VDAC1: variants seen among roughly 807,000 people sequenced by gnomAD.
VDAC1 encodes non-selective voltage-gated ion channel VDAC1.
VDAC1 carries 10 observed loss-of-function variants against 34.7 expected under a neutral mutation model. The observed-to-expected ratio is 0.29, with a 90% CI of 0.18 to 0.49. The LOEUF is 0.49. VDAC1 is among the 20% of genes least tolerant of loss of function. VDAC1 has a pLI of 0.99. For synonymous variants in VDAC1, 130 were observed against 136.0 expected (o/e 0.96, Z 0.30); for missense variants, 230 against 347.9 (o/e 0.66, Z 2.69).
the VDAC1 span, among the ~76,000 whole-genome samples, chr5:134,066,219 G>A: frequency 6.6e-6 from 1 of 152,068 alleles, no homozygotes; most frequent in Non-Finnish European, 1.5e-5. Flanking sequence ...GACCAGGCTG[G>A]TCTCAAACTC....
At chr5:134,015,675 C>A in the VDAC1 span, among the ~76,000 whole-genome samples, 1 of 151,654 alleles carries the variant, frequency 6.6e-6, no homozygotes, top group Non-Finnish European at 1.5e-5. Context: ...GACGGAGTCT[C>A]GCTCTGTCAC....
chr5:134,067,828 T>C, the VDAC1 span, among the ~76,000 whole-genome samples: 1 of 152,188 alleles, frequency 6.6e-6, no homozygotes, highest in African/African-American at 2.4e-5. Flanking sequence ...CTTAGAATGC[T>C]TCACTTCAGT....
At chr5:134,085,107 T>C in the VDAC1 span, among the ~76,000 whole-genome samples, 112,651 of 150,470 alleles carry the variant, frequency 0.75, 43,465 homozygotes, top group Non-Finnish European at 0.86. Context: ...CTCACTCTGC[T>C]GCCCAGGCTG....
At chr5:134,043,148 G>A in the VDAC1 span, among the ~76,000 whole-genome samples, 1 of 152,244 alleles carries the variant, frequency 6.6e-6, no homozygotes, top group Non-Finnish European at 1.5e-5. Flanking sequence ...CAAGGCTTCA[G>A]GGTGAATGGT....
the VDAC1 span, among the ~76,000 whole-genome samples, chr5:134,034,047 G>A: frequency 6.6e-6 from 1 of 151,980 alleles, no homozygotes; most frequent in Admixed American, 6.6e-5. Flanking sequence ...AACCAGCCAC[G>A]TGAAAAAGGT....
chr5:134,095,712 C>T, the VDAC1 span, among the ~76,000 whole-genome samples: 1 of 152,112 alleles, frequency 6.6e-6, no homozygotes, highest in Admixed American at 6.5e-5. Context: ...GACTCTAGGA[C>T]TGCACTGCCC....
chr5:134,074,236 C>T, the VDAC1 span, among the ~76,000 whole-genome samples: 5 of 151,646 alleles, frequency 3.3e-5, no homozygotes, highest in East Asian at 1.9e-4. Flanking sequence ...GGCATGAACC[C>T]GGGAGGCAGA....
the VDAC1 span, among the ~76,000 whole-genome samples, chr5:134,094,681 G>A: frequency 7.5e-6 from 1 of 133,452 alleles, no homozygotes; most frequent in South Asian, 2.6e-4. Context: ...TGGGTGAAGA[G>A]TGAGACTCCG....
At chr5:133,983,209 T>C (rs997728810) in intron 5 of VDAC1, among the ~76,000 whole-genome samples, 6 of 147,746 alleles carry the variant, frequency 4.1e-5, no homozygotes, top group African/African-American at 5.0e-5. Flanking sequence ...GATCGCACCA[T>C]TGCACTCCAG....
intron 5 of VDAC1, chr5:133,989,192 C>A (rs1753009990): frequency 6.6e-6 from 1 of 152,192 alleles, no homozygotes; most frequent in South Asian, 2.1e-4. Flanking sequence ...CTTGTGTGCA[C>A]TGCACACCCA....
intron 1 of VDAC1, among the ~76,000 whole-genome samples, chr5:133,998,799 C>CA (rs1348025168): frequency 6.6e-6 from 1 of 152,204 alleles, no homozygotes; most frequent in Non-Finnish European, 1.5e-5. Context: ...TCCCTAACTT[C>CA]AGGGTGCACA....
intron 1 of VDAC1, chr5:134,004,425 C>A (rs1028921206): frequency 6.6e-6 from 1 of 152,106 alleles, no homozygotes; most frequent in Admixed American, 6.6e-5. Context: ...CTCGGCCTCG[C>A]GCTCCCCAGC....
the VDAC1 span, among the ~76,000 whole-genome samples, chr5:134,033,735 G>A: frequency 6.6e-6 from 1 of 151,396 alleles, no homozygotes; most frequent in African/African-American, 2.4e-5. Context: ...GCTCACGCCT[G>A]TAATCCCACC....
At chr5:134,031,548 C>T in the VDAC1 span, among the ~76,000 whole-genome samples, 2 of 152,092 alleles carry the variant, frequency 1.3e-5, no homozygotes, top group African/African-American at 2.4e-5. Context: ...TACTCTGGGC[C>T]GGGTACAGTG....
the VDAC1 span, among the ~76,000 whole-genome samples, chr5:134,057,412 G>T: frequency 2.0e-5 from 3 of 152,010 alleles, no homozygotes; most frequent in Non-Finnish European, 4.4e-5. Context: ...CCTGGGAGGC[G>T]GAGGTTGCAG....
the VDAC1 span, among the ~76,000 whole-genome samples, chr5:134,063,559 C>T: frequency 1.0e-3 from 155 of 152,320 alleles, 6 homozygotes; most frequent in Admixed American, 0.01. Flanking sequence ...CTGTATTTTG[C>T]TGCTTGCTGG....
chr5:134,094,927 T>C, the VDAC1 span, among the ~76,000 whole-genome samples: 1 of 152,096 alleles, frequency 6.6e-6, no homozygotes, highest in Non-Finnish European at 1.5e-5. Context: ...TGTCTTCAAT[T>C]TAACCAAGAA....
intron 5 of VDAC1, among the ~76,000 whole-genome samples, chr5:133,981,641 A>T (rs1272985902): frequency 6.6e-6 from 1 of 152,216 alleles, no homozygotes; most frequent in Non-Finnish European, 1.5e-5. Flanking sequence ...TAAGCAGTTC[A>T]GTGTCTCTAC....
At chr5:134,052,883 G>A in the VDAC1 span, among the ~76,000 whole-genome samples, 6 of 152,274 alleles carry the variant, frequency 3.9e-5, no homozygotes, top group East Asian at 3.9e-4. Context: ...TTGGGAGGCC[G>A]AGGTGGGCCA....
Sources: allele counts gnomAD v4.1 joint callset (sites outside exome capture counted in the v4.1 genomes callset), GRCh38; gene constraint gnomAD v4.1.1; transcripts MANE v1.5; gene names NCBI Gene and HGNC (gene_info 2026-07-23, HGNC 2026-07-21).